The following TMTC2 variants were observed in gnomAD, a reference collection of about 807,000 sequenced individuals.
TMTC2 encodes the protein transmembrane O-mannosyltransferase targeting cadherins 2.
In TMTC2, 43 loss-of-function variants were observed where a neutral mutation model predicts 82.4. That is an observed-to-expected ratio of 0.52 (90% CI 0.41 to 0.67). The LOEUF is 0.67. Ranked by LOEUF, TMTC2 falls within the 30% of genes least tolerant of loss-of-function variation. The pLI is 0.00. For missense variants in TMTC2, 919 were observed against 1,012.4 expected (o/e 0.91, Z 1.25); for synonymous variants, 408 against 381.9 (o/e 1.07, Z -0.80).
At chr12:83,108,082 T>A in intron 11 of TMTC2, among the ~76,000 whole-genome samples, 1 of 152,110 alleles carries the variant, frequency 6.6e-6, no homozygotes, top group East Asian at 1.9e-4. Context: ...TAATTATGTT[T>A]CCTGAGGCCT....
chr12:82,961,958 G>T (rs918565450), intron 4 of TMTC2, among the ~76,000 whole-genome samples: 1 of 151,930 alleles, frequency 6.6e-6, no homozygotes, highest in Non-Finnish European at 1.5e-5. Context: ...TCACTCTATT[G>T]CTAACTTTAT....
intron 9 of TMTC2, among the ~76,000 whole-genome samples, chr12:83,049,591 C>T (rs1395190860): frequency 1.3e-5 from 2 of 152,160 alleles, no homozygotes; most frequent in Admixed American, 6.5e-5. Flanking sequence ...AATTCCACGT[C>T]TTTGCTATTG....
intron 11 of TMTC2, among the ~76,000 whole-genome samples, chr12:83,128,724 A>G (rs1819507660): frequency 6.6e-6 from 1 of 152,152 alleles, no homozygotes; most frequent in Non-Finnish European, 1.5e-5. Context: ...GGGGATGCTG[A>G]TGCAACTCCC....
intron 8 of TMTC2, among the ~76,000 whole-genome samples, chr12:83,029,326 T>C (rs965708833): frequency 3.9e-5 from 6 of 152,016 alleles, no homozygotes; most frequent in African/African-American, 1.4e-4. Flanking sequence ...CATGAACCTT[T>C]TTAAAAAAAA....
At position 82,941,908 on chromosome 12, in the gene TMTC2, G is replaced by A. The variant is rs908057814; in HGVS notation, c.1598+11363G>A. Among the ~76,000 whole-genome samples the A allele has an allele frequency of 3.9e-5, 6 of 152,068 alleles. No homozygotes were observed. The South Asian group carries it at 6.2e-4, about 16-fold the overall frequency. The stretch of plus-strand genomic sequence containing the variant: ...ATTACAGATGTGCGACACCATGCCT[G>A]ACTAGTTTTGTATTTTTAGTAAAGA... On this transcript the variant is annotated intron_variant, in intron 4 of 11. Coordinates refer to ENST00000321196, the MANE Select transcript of TMTC2 (RefSeq NM_152588.3).
At chr12:83,012,143 G>T (rs1401743833) in intron 8 of TMTC2, among the ~76,000 whole-genome samples, 1 of 152,062 alleles carries the variant, frequency 6.6e-6, no homozygotes, top group Non-Finnish European at 1.5e-5. Flanking sequence ...TTACTCACTA[G>T]AATGAAAGCT....
intron 11 of TMTC2, among the ~76,000 whole-genome samples, chr12:83,095,309 C>T (rs539891747): frequency 4.7e-5 from 7 of 148,660 alleles, no homozygotes; most frequent in Non-Finnish European, 8.9e-5. Context: ...GGCGTGATCT[C>T]GGCTCACTGC....
At chr12:82,985,867 AAAT>A in intron 7 of TMTC2, 55 bp from the exon 8 acceptor site, 3 of 1,581,234 alleles carry the variant, frequency 1.9e-6, no homozygotes, top group Non-Finnish European at 2.6e-6. Flanking sequence ...ATGCTGTTGC[AAAT>A]AATGTGGAAA....
intron 11 of TMTC2, among the ~76,000 whole-genome samples, chr12:83,100,338 T>C (rs908243894): frequency 6.6e-6 from 1 of 152,110 alleles, no homozygotes; most frequent in Admixed American, 6.5e-5. Context: ...ATAAGGGAGG[T>C]TGGGCCACTA....
At chr12:82,795,293 CAG>C (rs1219808848) in intron 1 of TMTC2, among the ~76,000 whole-genome samples, 1 of 120,616 alleles carries the variant, frequency 8.3e-6, no homozygotes, top group Non-Finnish European at 1.6e-5. Context: ...GCCTGGGCAA[CAG>C]AGAGAGATTC....
In TMTC2 at chr12:83,002,721, C is replaced by T. The variant is rs1202314080; in HGVS notation, c.2070+16675C>T. On this transcript the variant is annotated intron_variant, in intron 8 of 11. Transcript: ENST00000321196. ...TAATTGATTGGTTTTGAGTGACCTT[C>T]TTGGTATTGATTTCTATTTTTATTG... 2.7e-5 allele frequency among the ~76,000 whole-genome samples: 4 copies of T among 150,594 alleles called. No homozygotes were observed. The East Asian group carries it at 7.8e-4, about 29-fold the overall frequency.
chr12:82,767,205 G>A (rs2136989797), intron 1 of TMTC2, among the ~76,000 whole-genome samples: 1 of 152,278 alleles, frequency 6.6e-6, no homozygotes, highest in Admixed American at 6.5e-5. Context: ...AAGCCAGTCT[G>A]ATTTTACTCC....
chr12:82,814,922 A>G (rs1436340774), intron 1 of TMTC2, among the ~76,000 whole-genome samples: 1 of 152,134 alleles, frequency 6.6e-6, no homozygotes, highest in Non-Finnish European at 1.5e-5. Flanking sequence ...AATAGACCTG[A>G]TTTTAGCTGT....
At chr12:82,719,080 TA>T (rs1874052883) in intron 1 of TMTC2, among the ~76,000 whole-genome samples, 22 of 70,164 alleles carry the variant, frequency 3.1e-4, no homozygotes, top group South Asian at 1.7e-3. Flanking sequence ...TATATATATA[TA>T]TATATTTTTT....
chr12:82,761,894 T>C (rs10862501), intron 1 of TMTC2, among the ~76,000 whole-genome samples: 96 of 38,324 alleles, frequency 2.5e-3, no homozygotes, highest in Non-Finnish European at 4.5e-3. Context: ...TTCTCTCTCT[T>C]TCTTTCTTTC....
At chr12:82,938,375 G>T (rs576254085) in intron 4 of TMTC2, among the ~76,000 whole-genome samples, 3 of 152,082 alleles carry the variant, frequency 2.0e-5, no homozygotes, top group Non-Finnish European at 4.4e-5. Flanking sequence ...TGAGAAGTGA[G>T]GACTGGTGGA....
chr12:83,108,229 C>T (rs1031508225), intron 11 of TMTC2, among the ~76,000 whole-genome samples: 14 of 152,078 alleles, frequency 9.2e-5, no homozygotes, highest in African/African-American at 3.4e-4. Context: ...AGTAATACTA[C>T]TAATCATTAA....
chr12:82,876,520 T>C (rs544966951), intron 2 of TMTC2, among the ~76,000 whole-genome samples: 40 of 152,306 alleles, frequency 2.6e-4, no homozygotes, highest in Non-Finnish European at 3.7e-4. Flanking sequence ...TGGTTCAGAA[T>C]TAAGAAAAGG....
At chr12:82,770,747 G>A (rs1156487728) in intron 1 of TMTC2, among the ~76,000 whole-genome samples, 2 of 152,050 alleles carry the variant, frequency 1.3e-5, no homozygotes, top group Non-Finnish European at 2.9e-5. Context: ...TCAGCCTCTG[G>A]AGTTGCTCGG....
Sources: allele counts gnomAD v4.1 joint callset (sites outside exome capture counted in the v4.1 genomes callset), GRCh38; gene constraint gnomAD v4.1.1; transcripts MANE v1.5; gene names NCBI Gene and HGNC (gene_info 2026-07-23, HGNC 2026-07-21).